LAMB2: variants seen among roughly 807,000 people sequenced by gnomAD.
The protein encoded by LAMB2 is laminin subunit beta-2.
In LAMB2, 119 loss-of-function variants were observed where a neutral mutation model predicts 202.7. The observed-to-expected ratio is 0.59, with a 90% CI of 0.51 to 0.68. LAMB2 has a LOEUF of 0.68. Among genes scored for constraint, LAMB2 ranks in the 30% least tolerant of loss-of-function variants. LAMB2 has a pLI of 0.00. For synonymous variants in LAMB2, 818 were observed against 902.2 expected (o/e 0.91, Z 1.67); for missense variants, 2,124 against 2,410.6 (o/e 0.88, Z 2.49).
Position 49,123,874 on chromosome 3 carries a change from C to T in LAMB2, c.3651G>A (p.Glu1217=). 1 of 1,613,486 alleles carries T rather than the reference C, an allele frequency of 6.2e-7. No individual in the cohort carries two copies. The highest frequency in any genetic ancestry group is 8.5e-7 in the Non-Finnish European group (1 of 1,179,992). ...CACCCAGCACACCCGTCTGTTGCAACTCCTGCGCCCGCTGCTCTAGGCGCT... is the reference window on the plus strand; with the variant it reads ...CACCCAGCACACCCGTCTGTTGCAATTCCTGCGCCCGCTGCTCTAGGCGCT... ...RTQRLEQRAQ[E]LQQTGVLGAF... is the part of the protein sequence containing the mutation. The change falls in exon 24 of 32, where the codon GAG becomes GAA. Residue 1217 remains glutamate (E), a synonymous_variant. Coordinates refer to ENST00000305544, the MANE Select transcript of LAMB2 (RefSeq NM_002292.4).
At position 49,122,334 on chromosome 3, in the gene LAMB2, G is replaced by T; in HGVS notation, c.4610C>A (p.Ala1537Asp). 2 of 1,613,464 alleles carry T rather than the reference G, an allele frequency of 1.2e-6. No homozygotes were observed. The highest frequency in any genetic ancestry group is 1.7e-6 in the Non-Finnish European group (2 of 1,180,026). Residue 1537 changes from alanine to aspartate, a missense_variant, in exon 28 of 32, where the codon GCC (alanine) becomes GAC (aspartate). Around this residue, in one of 3 missense-constraint regions of LAMB2, gnomAD observed 1,702 missense variants for 1,896.3 expected, o/e 0.90. Coordinates refer to ENST00000305544, the MANE Select transcript of LAMB2 (RefSeq NM_002292.4). Reference sequence around the variant, plus strand: ...GATGGAGAGCTCTAGCACCCGTGTGGCCACCATTTCAATGCTATCAGGATC... The same window carrying T: ...GATGGAGAGCTCTAGCACCCGTGTGTCCACCATTTCAATGCTATCAGGATC... ...GADPDSIEMV[A>D]TRVLELSIPA... is the part of the protein sequence containing the mutation.
Position 49,130,094 on chromosome 3 carries a change from G to A in LAMB2, c.1226-76C>T. On this transcript the variant is annotated intron_variant, in intron 9 of 31. Transcript: ENST00000305544. The surrounding 1 kb of genome is among the most constrained non-coding windows in gnomAD (Gnocchi z 5.0). ...CTGCCAGTCCTCTCCTAAGCCTAAG[G>A]GATCCCACCCTGGATCCCTGGTCAA... 1 of 1,586,942 alleles carries A rather than the reference G, an allele frequency of 6.3e-7. No individual in the cohort carries two copies. Among genetic ancestry groups the A allele is most frequent in the African/African-American group, 1.3e-5 (1 of 74,450 alleles).
chr3:49,123,554 T>A lies in LAMB2; in HGVS notation c.3875A>T (p.Asn1292Ile), dbSNP rs148246465. Residue 1292 changes from asparagine (N) to isoleucine (I), a missense_variant, in exon 25 of 32, where the codon AAT becomes ATT. Physicochemically the swap from Asn to Ile is moderately radical, Grantham distance 149. Transcript: ENST00000305544. ...CAGACCACTTAGTGCATGGTTGGCATTGAAGTTCTCATCTTGCACATCTGT... is the reference window on the plus strand; with the variant it reads ...CAGACCACTTAGTGCATGGTTGGCAATGAAGTTCTCATCTTGCACATCTGT... ...DLTDVQDENF[N>I]ANHALSGLER... 2.6e-4 allele frequency: 425 copies of A among 1,614,200 alleles called. 3 individuals are homozygous for A. The African/African-American group carries it at 4.4e-3, about 17-fold the overall frequency.
At chr3:49,122,485 A>G in intron 27 of LAMB2, 115 bp from the exon 28 acceptor site, 3 of 1,056,650 alleles carry the variant, frequency 2.8e-6, no homozygotes, top group Non-Finnish European at 4.4e-6. Context: ...GTTACCAGGC[A>G]TAAGGATATA....
At position 49,132,115 on chromosome 3, in the gene LAMB2, C is replaced by T; in HGVS notation, c.459+1G>A. 1.2e-6 allele frequency: 2 copies of T among 1,613,998 alleles called. No individual in the cohort carries two copies. The highest frequency in any genetic ancestry group is 1.7e-6 in the Non-Finnish European group (2 of 1,179,922). On this transcript the variant is annotated splice_donor_variant, in intron 4 of 31. Transcript: ENST00000305544. LOFTEE classifies it high-confidence loss of function. This position sits in a 1 kb window ranked among gnomAD's most constrained non-coding sequence, Gnocchi z 4.6. ...GGGCAGGCTCCCAGATATGCAGGCA[C>T]CTTGAAGGTCATAATGAGGTGTGTG... is the stretch of plus-strand genomic sequence containing the variant.
At position 49,130,521 on chromosome 3, in the gene LAMB2, G is replaced by T; in HGVS notation, c.1037-102C>A. On this transcript the variant is annotated intron_variant, in intron 8 of 31. Transcript: ENST00000305544. This position sits in a 1 kb window ranked among gnomAD's most constrained non-coding sequence, Gnocchi z 5.0. ...TCCCTATCACAGGCCAGAATTTGTG[G>T]GTAGGGGCTCAGGGACTTCAAGGCC... 2 of 1,456,818 alleles carry T rather than the reference G, an allele frequency of 1.4e-6. No homozygotes were observed. Among genetic ancestry groups the T allele is most frequent in the Non-Finnish European group, 1.9e-6 (2 of 1,042,658 alleles). The allele number at this position is 1,456,818 out of a possible 1,614,324, so 90.2% of individuals were successfully genotyped here.
rs200858061 is a variant in LAMB2 at position 49,125,975 on chromosome 3, C to T, written c.2336G>A (p.Gly779Asp). The T allele has an allele frequency of 6.2e-7, 1 of 1,614,162 alleles. No homozygotes were observed. The highest frequency in any genetic ancestry group is 1.7e-5 in the Admixed American group (1 of 60,024). ...ACATCACAGACACTCACGCAGGGCACCATTGTAGATGAGGGTGGACAGGCT... is the reference window on the plus strand; with the variant it reads ...ACATCACAGACACTCACGCAGGGCATCATTGTAGATGAGGGTGGACAGGCT... Reference protein sequence around the residue: ...LISLSTLIYNGALPCQCNPQG... With the variant: ...LISLSTLIYNDALPCQCNPQG... Residue 779 changes from glycine to aspartate, a missense_variant, in exon 17 of 32, where the codon GGT (glycine) becomes GAT (aspartate). Coordinates refer to ENST00000305544, the MANE Select transcript of LAMB2 (RefSeq NM_002292.4).
In LAMB2 at chr3:49,128,666, G is replaced by A. The variant is rs971926270; in HGVS notation, c.1885C>T (p.Pro629Ser). 3 of 1,614,034 alleles carry A rather than the reference G, an allele frequency of 1.9e-6. No homozygotes were observed. The highest frequency in any genetic ancestry group is 1.7e-5 in the Admixed American group (1 of 60,010). ...ATTAGATAACAGGGTCTAACCTGGGGCTCTAAGCGCAGCAGCAGGTCATAG... is the reference window on the plus strand; with the variant it reads ...ATTAGATAACAGGGTCTAACCTGGGACTCTAAGCGCAGCAGCAGGTCATAG... ...MDYDLLLRLE[P>S]QVPEQWAELE... Residue 629 changes from proline to serine, a missense_variant, in exon 14 of 32, where the codon CCC (proline) becomes TCC (serine). Physicochemically the swap from Pro to Ser is moderately conservative, Grantham distance 74. Transcript: ENST00000305544.
chr3:49,130,339 C>T lies in LAMB2; in HGVS notation c.1117G>A (p.Val373Met). The T allele has an allele frequency of 1.9e-6, 3 of 1,614,188 alleles. No individual in the cohort carries two copies. Among genetic ancestry groups the T allele is most frequent in the Non-Finnish European group, 2.5e-6 (3 of 1,180,038 alleles). Reference sequence around the variant, plus strand: ...GTGTTATGCTGACATCCATCACACACACCTCCACTCACATTGCCAGATGCC... The same window carrying T: ...GTGTTATGCTGACATCCATCACACATACCTCCACTCACATTGCCAGATGCC... ...YLASGNVSGG[V>M]CDGCQHNTAG... The change falls in exon 9 of 32, where the codon GTG becomes ATG. Residue 373 changes from valine to methionine, a missense_variant. Physicochemically the swap from Val to Met is conservative, Grantham distance 21. Transcript: ENST00000305544. This position sits in a 1 kb window ranked among gnomAD's most constrained non-coding sequence, Gnocchi z 5.0.
chr3:49,127,285 C>G (rs747787978), intron 15 of LAMB2, among the ~76,000 whole-genome samples: 1 of 152,092 alleles, frequency 6.6e-6, no homozygotes, highest in African/African-American at 2.4e-5. Context: ...CATGCCTGGT[C>G]TAGAGGAATT....
At position 49,123,943 on chromosome 3, in the gene LAMB2, G is replaced by A. The variant is rs138540017; in HGVS notation, c.3582C>T (p.Phe1194=). ...CCTGCACCACTCGGTCCCAATCCCC[G>A]AAGCATGCATGGCAGGGATGGCAGG... ...FPACHPCHAC[F]GDWDRVVQDL... The change falls in exon 24 of 32, where the codon TTC becomes TTT. Residue 1194 remains phenylalanine (F), a synonymous_variant. Coordinates refer to ENST00000305544, the MANE Select transcript of LAMB2 (RefSeq NM_002292.4). 1,743 of 1,613,382 alleles carry A rather than the reference G, an allele frequency of 1.1e-3. 1 individual carries two copies. Among genetic ancestry groups the A allele is most frequent in the Non-Finnish European group, 1.3e-3 (1,568 of 1,180,032 alleles).
chr3:49,126,606 A>G, intron 15 of LAMB2, 109 bp from the exon 16 acceptor site: 2 of 1,461,598 alleles, frequency 1.4e-6, no homozygotes, highest in Non-Finnish European at 1.9e-6. Flanking sequence ...CAAAGCAGAG[A>G]CTATGGCTGG....
intron 15 of LAMB2, 42 bp from the exon 16 acceptor site, chr3:49,126,539 C>T (rs1361427421): frequency 6.2e-7 from 1 of 1,612,428 alleles, no homozygotes; most frequent in South Asian, 1.1e-5. Context: ...CATCTAGGGG[C>T]CCTGTACAAA....
In LAMB2 at chr3:49,132,007, C is replaced by G; in HGVS notation, c.459+109G>C. The G allele has an allele frequency of 3.7e-6, 4 of 1,084,606 alleles. No individual in the cohort carries two copies. The highest frequency in any genetic ancestry group is 5.7e-6 in the Non-Finnish European group (4 of 702,586). 67.2% of individuals were successfully genotyped at this position (1,084,606 alleles called of 1,614,324 possible). On this transcript the variant is annotated intron_variant, in intron 4 of 31. Coordinates refer to ENST00000305544, the MANE Select transcript of LAMB2 (RefSeq NM_002292.4). The surrounding 1 kb of genome is among the most constrained non-coding windows in gnomAD (Gnocchi z 4.6). ...TGGAAGGTGTGAAGGGATGAAGGAGCCTCCTGCATCCATGCTCAAGGAGGC... is the reference window on the plus strand; with the variant it reads ...TGGAAGGTGTGAAGGGATGAAGGAGGCTCCTGCATCCATGCTCAAGGAGGC...
In LAMB2 at chr3:49,133,031, A is replaced by T; in HGVS notation, c.-164T>A. The T allele has an allele frequency of 1.5e-6, 1 of 645,462 alleles. No homozygotes were observed. Among genetic ancestry groups the T allele is most frequent in the Non-Finnish European group, 2.8e-6 (1 of 362,438 alleles). The allele number at this position is 645,462 out of a possible 1,614,324, so 40.0% of individuals were successfully genotyped here. A position where few individuals can be genotyped will look rare whatever the true frequency, so the allele number is the denominator to read the frequency against. On this transcript the variant is annotated 5_prime_UTR_variant, in exon 1 of 32. Coordinates refer to ENST00000305544, the MANE Select transcript of LAMB2 (RefSeq NM_002292.4). Reference sequence around the variant, plus strand: ...TGTCCAGCGGTCCCTCCGACAGCTTAGAGTCCAGCGACTTTGAGCAAAGTT... The same window carrying T: ...TGTCCAGCGGTCCCTCCGACAGCTTTGAGTCCAGCGACTTTGAGCAAAGTT...
In LAMB2 at chr3:49,124,032, G is replaced by C. The variant is rs746391965; in HGVS notation, c.3493C>G (p.Arg1165Gly). Residue 1165 changes from arginine (R) to glycine (G), a missense_variant, in exon 24 of 32, where the codon CGC becomes GGC. Physicochemically the swap from Arg to Gly is moderately radical, Grantham distance 125. Around this residue, in one of 3 missense-constraint regions of LAMB2, gnomAD observed 1,702 missense variants for 1,896.3 expected, o/e 0.90. Transcript: ENST00000305544. ...CAGCGCACACCAGACACCCCTGGGC[G>C]GCAGCTGCAGTGACCTGTGAAGCGG... ...CHRFTGHCSCRPGVSGVRCDQ... is the reference protein window; with the variant it reads ...CHRFTGHCSCGPGVSGVRCDQ... 6.2e-7 allele frequency: 1 copy of C among 1,613,630 alleles called. No homozygotes were observed. The highest frequency in any genetic ancestry group is 1.1e-5 in the South Asian group (1 of 91,084).
Position 49,130,483 on chromosome 3 carries a change from A to G in LAMB2, c.1037-64T>C, listed in dbSNP as rs2045469168. On this transcript the variant is annotated intron_variant, in intron 8 of 31. Transcript: ENST00000305544. This position sits in a 1 kb window ranked among gnomAD's most constrained non-coding sequence, Gnocchi z 5.0. ...GAACCAGGTCACAAGGGTAAGAAGT[A>G]GGCCACCTTAGATCCCTATCACAGG... 2 of 1,583,824 alleles carry G rather than the reference A, an allele frequency of 1.3e-6. No homozygotes were observed. Among genetic ancestry groups the G allele is most frequent in the Non-Finnish European group, 1.7e-6 (2 of 1,153,968 alleles).
intron 15 of LAMB2, 23 bp from the exon 16 acceptor site, chr3:49,126,520 G>A: frequency 1.2e-6 from 2 of 1,613,762 alleles, no homozygotes; most frequent in Non-Finnish European, 1.7e-6. Flanking sequence ...GGGGACAGGT[G>A]CAGTGGGTCA....
chr3:49,122,529 A>C (rs1264310211), intron 27 of LAMB2, 159 bp from the exon 28 acceptor site: 4 of 922,686 alleles, frequency 4.3e-6, no homozygotes, highest in Non-Finnish European at 7.0e-6. Flanking sequence ...AGGGGCTCAG[A>C]CTCAAGAACA....
Sources: allele counts gnomAD v4.1 joint callset (sites outside exome capture counted in the v4.1 genomes callset), GRCh38; gene constraint gnomAD v4.1.1; regional missense constraint gnomAD v4.1.1; non-coding constraint Gnocchi (gnomAD v3.1); transcripts MANE v1.5; gene names NCBI Gene and HGNC (gene_info 2026-07-23, HGNC 2026-07-21).